Variants in ST8SIA2 observed in about 807,000 individuals in gnomAD.
ST8SIA2 encodes alpha-2,8-sialyltransferase 8B.
ST8SIA2 carries 22 observed loss-of-function variants against 37.6 expected under a neutral mutation model. The observed-to-expected ratio is 0.58, with a 90% CI of 0.42 to 0.83. The LOEUF is 0.83. Among genes scored for constraint, ST8SIA2 ranks in the 40% least tolerant of loss-of-function variants. The pLI, the probability that ST8SIA2 is intolerant of heterozygous loss-of-function variation, is 0.00. For missense variants in ST8SIA2, 382 were observed against 484.7 expected, an observed-to-expected ratio of 0.79 and a Z score of 1.99; for synonymous variants, 205 against 201.2, an observed-to-expected ratio of 1.02 and a Z score of -0.16.
chr15:92,440,146 C>T (rs1208214537), intron 4 of ST8SIA2, among the ~76,000 whole-genome samples: 2 of 152,168 alleles, frequency 1.3e-5, no homozygotes, highest in Non-Finnish European at 2.9e-5. Context: ...AAAGCTGTGC[C>T]TTGGCTCTGC....
chr15:92,398,602 G>T (rs994704387), intron 1 of ST8SIA2, among the ~76,000 whole-genome samples: 2 of 152,188 alleles, frequency 1.3e-5, no homozygotes, highest in Non-Finnish European at 2.9e-5. Flanking sequence ...TGAGCCAGAT[G>T]CTAGGCTAAC....
chr15:92,463,525 G>A (rs2049970971), intron 5 of ST8SIA2, among the ~76,000 whole-genome samples: 1 of 152,116 alleles, frequency 6.6e-6, no homozygotes. Context: ...GACGCCCTGT[G>A]GGACTCTTGG....
At chr15:92,432,062 CCTT>C (rs1290205940) in intron 2 of ST8SIA2, among the ~76,000 whole-genome samples, 1 of 152,174 alleles carries the variant, frequency 6.6e-6, no homozygotes, top group African/African-American at 2.4e-5. Context: ...CTCTGCAGCT[CCTT>C]CTTTCCTGAG....
At chr15:92,455,194 A>C (rs2049911461) in intron 5 of ST8SIA2, among the ~76,000 whole-genome samples, 1 of 152,094 alleles carries the variant, frequency 6.6e-6, no homozygotes, top group Non-Finnish European at 1.5e-5. Context: ...GTGTGTCCCT[A>C]GGGCTGGTCC....
At chr15:92,446,817 G>C (rs1231210118) in intron 5 of ST8SIA2, among the ~76,000 whole-genome samples, 4 of 152,180 alleles carry the variant, frequency 2.6e-5, no homozygotes, top group Non-Finnish European at 4.4e-5. Flanking sequence ...CAAAGGCCTT[G>C]AGGTAGGAGG....
intron 2 of ST8SIA2, 97 bp downstream of exon 2, chr15:92,430,208 AATAG>A: frequency 8.2e-7 from 1 of 1,215,204 alleles, no homozygotes; most frequent in Non-Finnish European, 1.2e-6. Flanking sequence ...TTACTTAGCA[AATAG>A]ATCTGTTTCG....
At chr15:92,448,288 C>T (rs1596247042) in intron 5 of ST8SIA2, among the ~76,000 whole-genome samples, 1 of 152,176 alleles carries the variant, frequency 6.6e-6, no homozygotes, top group Non-Finnish European at 1.5e-5. Flanking sequence ...CCTCTCCCTC[C>T]GTGGGGCCAT....
rs776191358 is a variant in ST8SIA2 at position 92,434,265 on chromosome 15, C to A, written c.180C>A (p.Asn60Lys). The A allele has an allele frequency of 6.2e-7, 1 of 1,613,918 alleles. No individual in the cohort carries two copies. The highest frequency in any genetic ancestry group is 8.5e-7 in the Non-Finnish European group (1 of 1,179,970). The change falls in exon 3 of 6, where the codon AAC becomes AAA. Residue 60 changes from asparagine (N) to lysine (K), a missense_variant. Asn to Lys is a moderately conservative substitution (Grantham distance 94). Coordinates refer to ENST00000268164, the MANE Select transcript of ST8SIA2 (RefSeq NM_006011.4). Reference protein sequence around the residue: ...SKSNRAEVVINGSSSPAVVDR... With the variant: ...SKSNRAEVVIKGSSSPAVVDR... ...CTTCCAGAGCTGAAGTTGTAATAAA[C>A]GGCTCCTCATCACCAGCTGTTGTTG...
rs2049834036 is a variant in ST8SIA2, at chr15:92,445,271, AG to A, written c.842+344del. On this transcript the variant is annotated intron_variant, in intron 5 of 5. Coordinates refer to ENST00000268164, the MANE Select transcript of ST8SIA2 (RefSeq NM_006011.4). ...CGGCTGGCAAGTCACATACCATCCC[AG>A]GTGTGTGATTTTCAAGAAAATCAGG... is the stretch of plus-strand genomic sequence containing the variant. 5.2e-5 allele frequency: 22 copies of A among 423,336 alleles called. No individual in the cohort carries two copies. In the South Asian group the frequency reaches 5.7e-4, roughly 11 times the overall value. 26.2% of individuals were successfully genotyped at this position (423,336 alleles called of 1,614,324 possible).
At chr15:92,439,607 C>T (rs1319530836) in intron 4 of ST8SIA2, among the ~76,000 whole-genome samples, 1 of 152,178 alleles carries the variant, frequency 6.6e-6, no homozygotes, top group Admixed American at 6.5e-5. Context: ...GTAGAGTTCC[C>T]TAAACCTTGG....
intron 3 of ST8SIA2, among the ~76,000 whole-genome samples, chr15:92,435,173 A>G (rs74780449): frequency 0.022 from 3,320 of 152,308 alleles, 113 homozygotes; most frequent in African/African-American, 0.074. Context: ...GGACATGAAT[A>G]TAAGCAAAGA....
rs555486851 is a variant in ST8SIA2 at position 92,465,260 on chromosome 15, C to T, written c.*875C>T. 3 of 152,358 alleles carry T rather than the reference C, an allele frequency of 2.0e-5. No individual in the cohort carries two copies. In the East Asian group the frequency reaches 5.8e-4, roughly 29 times the overall value. The allele number at this position is 152,358 out of a possible 1,614,324, so 9.4% of individuals were successfully genotyped here. On this transcript the variant is annotated 3_prime_UTR_variant, in exon 6 of 6. Transcript: ENST00000268164. Reference sequence around the variant, plus strand: ...TGTTTTTTAAAGCAATGTGAGTCCACTGAGGAGGAAGAGACCCTGGGATTT... The same window carrying T: ...TGTTTTTTAAAGCAATGTGAGTCCATTGAGGAGGAAGAGACCCTGGGATTT...
In ST8SIA2 at chr15:92,393,943, C is replaced by T. The variant is rs2049408902; in HGVS notation, c.-122C>T. On this transcript the variant is annotated 5_prime_UTR_variant, in exon 1 of 6. Coordinates refer to ENST00000268164, the MANE Select transcript of ST8SIA2 (RefSeq NM_006011.4). ...CTGCCGCCGCCGGCCCGGACTCGTC[C>T]GGAGCGCAGGGTGTCTGCCCAGCTG... 7 of 445,626 alleles carry T rather than the reference C, an allele frequency of 1.6e-5. No homozygotes were observed. The South Asian group carries it at 3.8e-4, about 24-fold the overall frequency. 27.6% of individuals were successfully genotyped at this position (445,626 alleles called of 1,614,324 possible).
At chr15:92,437,634 G>C (rs1190336841) in intron 3 of ST8SIA2, among the ~76,000 whole-genome samples, 1 of 151,948 alleles carries the variant, frequency 6.6e-6, no homozygotes, top group Non-Finnish European at 1.5e-5. Flanking sequence ...CAGGATGGCA[G>C]GCCATCCTCT....
chr15:92,426,389 A>G (rs1429220933), intron 1 of ST8SIA2, among the ~76,000 whole-genome samples: 1 of 152,176 alleles, frequency 6.6e-6, no homozygotes, highest in Non-Finnish European at 1.5e-5. Context: ...CTCTTCTGAG[A>G]GGCACCAGGC....
At chr15:92,398,833 A>G (rs1363623129) in intron 1 of ST8SIA2, among the ~76,000 whole-genome samples, 1 of 152,304 alleles carries the variant, frequency 6.6e-6, no homozygotes, top group East Asian at 1.9e-4. Flanking sequence ...CCCTGAGCTA[A>G]TAATGTTAAC....
chr15:92,444,752 G>A lies in ST8SIA2; in HGVS notation c.665G>A (p.Trp222Ter). Residue 222 changes from tryptophan to a stop codon, truncating the protein, a stop_gained, in exon 5 of 6, where the codon TGG becomes TAG. Coordinates refer to ENST00000268164, the MANE Select transcript of ST8SIA2 (RefSeq NM_006011.4). LOFTEE classifies it high-confidence loss of function. Reference sequence around the variant, plus strand: ...TTTGAGGACTTGGTCAATGCCACGTGGCGGGAGAAGCTGCTGCAACGGCTG... The same window carrying A: ...TTTGAGGACTTGGTCAATGCCACGTAGCGGGAGAAGCTGCTGCAACGGCTG... ...RAFEDLVNAT[W>*]REKLLQRLHS... 1.2e-6 allele frequency: 2 copies of A among 1,614,216 alleles called. No individual in the cohort carries two copies. Among genetic ancestry groups the A allele is most frequent in the Non-Finnish European group, 1.7e-6 (2 of 1,180,044 alleles).
rs2049777756 is a variant in ST8SIA2 at position 92,438,593 on chromosome 15, C to A, written c.531C>A (p.Ala177=). The change falls in exon 4 of 6, where the codon GCC becomes GCA. Residue 177 remains alanine, a synonymous_variant. Transcript: ENST00000268164. ...GCGGCTGTGGGCAGGAGATTGACGC[C>A]CACAGCTTCGTCATCAGGTAACATG... ...LNSGCGQEID[A]HSFVIRCNLA... is the part of the protein sequence containing the mutation. The A allele has an allele frequency of 6.2e-7, 1 of 1,608,544 alleles. No homozygotes were observed. Among genetic ancestry groups the A allele is most frequent in the Non-Finnish European group, 8.5e-7 (1 of 1,176,720 alleles).
intron 1 of ST8SIA2, among the ~76,000 whole-genome samples, chr15:92,421,462 C>T (rs982811612): frequency 6.6e-6 from 1 of 152,188 alleles, no homozygotes; most frequent in Non-Finnish European, 1.5e-5. Flanking sequence ...AGAATAACAT[C>T]AGTATCAAAT....
Sources: allele counts gnomAD v4.1 joint callset (sites outside exome capture counted in the v4.1 genomes callset), GRCh38; gene constraint gnomAD v4.1.1; transcripts MANE v1.5; gene names NCBI Gene and HGNC (gene_info 2026-07-23, HGNC 2026-07-21).